The following NKAIN3 variants were observed in gnomAD, a reference collection of about 807,000 sequenced individuals.
The protein encoded by NKAIN3 is sodium/potassium-transporting ATPase subunit beta-1-interacting protein 3.
Under a neutral mutation model 30.2 loss-of-function variants are expected in NKAIN3, and 25 were observed. The observed-to-expected ratio is 0.83, with a 90% CI of 0.60 to 1.16. The LOEUF is 1.16. Among genes scored for constraint, NKAIN3 ranks in the 50% most tolerant of loss-of-function variants. NKAIN3 has a pLI of 0.00. For synonymous variants in NKAIN3, 91 were observed against 89.6 expected, an observed-to-expected ratio of 1.02 and a Z score of -0.09; for missense variants, 225 against 254.1, an observed-to-expected ratio of 0.89 and a Z score of 0.78.
intron 4 of NKAIN3, among the ~76,000 whole-genome samples, chr8:62,787,577 G>A (rs1040283054): frequency 2.0e-5 from 3 of 152,000 alleles, no homozygotes; most frequent in East Asian, 1.9e-4. Context: ...TATGCACAAC[G>A]TGCAGATTTG....
At chr8:62,555,010 A>G (rs1809339016) in intron 1 of NKAIN3, among the ~76,000 whole-genome samples, 1 of 115,748 alleles carries the variant, frequency 8.6e-6, no homozygotes, top group Non-Finnish European at 1.9e-5. Flanking sequence ...GGCAGAATCT[A>G]TACACACACA....
At chr8:62,863,525 A>T in intron 4 of NKAIN3, 1 of 1,407,852 alleles carries the variant, frequency 7.1e-7, no homozygotes, top group Non-Finnish European at 1.0e-6. Flanking sequence ...GTTGAACTTG[A>T]TGATCCAGTT....
At chr8:62,655,446 A>G (rs982315654) in intron 3 of NKAIN3, among the ~76,000 whole-genome samples, 1 of 152,170 alleles carries the variant, frequency 6.6e-6, no homozygotes, top group Non-Finnish European at 1.5e-5. Flanking sequence ...GAGGCCATTT[A>G]GGAGGCTGTG....
intron 1 of NKAIN3, among the ~76,000 whole-genome samples, chr8:62,362,567 G>A (rs1175338576): frequency 6.6e-6 from 1 of 152,180 alleles, no homozygotes; most frequent in African/African-American, 2.4e-5. Flanking sequence ...GAACCCAAGA[G>A]AAACTGCACA....
rs78160523 is a variant in NKAIN3, at chr8:62,951,461, C to T, written c.533-2441C>T. Among the ~76,000 whole-genome samples, 286 of 152,048 alleles carry T rather than the reference C, an allele frequency of 1.9e-3. 3 individuals are homozygous for T. In the East Asian group the frequency reaches 0.029, roughly 15 times the overall value. On this transcript the variant is annotated intron_variant, in intron 5 of 6. Coordinates refer to ENST00000623646, the MANE Select transcript of NKAIN3 (RefSeq NM_001304533.3). ...CCTTTTAAATTTGTTTGTTTGTTTG[C>T]TTTGTTTTGCGGAAAGGATCTGAGT... is the stretch of plus-strand genomic sequence containing the variant.
chr8:62,295,639 T>C (rs1337022152), intron 1 of NKAIN3, among the ~76,000 whole-genome samples: 3 of 152,224 alleles, frequency 2.0e-5, no homozygotes, highest in Non-Finnish European at 4.4e-5. Flanking sequence ...AATTCTTGCA[T>C]ATAAAATAAG....
At chr8:62,782,159 G>A (rs1265417788) in intron 4 of NKAIN3, among the ~76,000 whole-genome samples, 1 of 151,742 alleles carries the variant, frequency 6.6e-6, no homozygotes, top group Non-Finnish European at 1.5e-5. Context: ...GGCCAACAGT[G>A]TATGAAAAGA....
At chr8:62,514,040 G>T (rs1444966228) in intron 1 of NKAIN3, among the ~76,000 whole-genome samples, 1 of 152,034 alleles carries the variant, frequency 6.6e-6, no homozygotes, top group African/African-American at 2.4e-5. Context: ...GGCTCAATGT[G>T]AAATGTTAGG....
intron 3 of NKAIN3, among the ~76,000 whole-genome samples, chr8:62,735,606 G>C (rs1815636679): frequency 6.6e-6 from 1 of 152,050 alleles, no homozygotes; most frequent in African/African-American, 2.4e-5. Flanking sequence ...GCCTCGTTAA[G>C]TACCTTAATA....
At chr8:62,582,647 T>C (rs1810343476) in intron 2 of NKAIN3, among the ~76,000 whole-genome samples, 1 of 152,122 alleles carries the variant, frequency 6.6e-6, no homozygotes, top group Non-Finnish European at 1.5e-5. Context: ...GAAGGGGGAC[T>C]ATCAGAGCAG....
At chr8:62,567,354 G>A (rs1275535618) in intron 1 of NKAIN3, among the ~76,000 whole-genome samples, 1 of 152,124 alleles carries the variant, frequency 6.6e-6, no homozygotes, top group Non-Finnish European at 1.5e-5. Context: ...CCATTAACAA[G>A]GGAACTCCGA....
intron 1 of NKAIN3, among the ~76,000 whole-genome samples, chr8:62,325,904 A>G (rs548181090): frequency 4.3e-4 from 66 of 152,002 alleles, no homozygotes; most frequent in African/African-American, 1.5e-3. Context: ...TCTGGATATT[A>G]GTCTTTTGTG....
chr8:62,336,692 T>C (rs2129590502), intron 1 of NKAIN3, among the ~76,000 whole-genome samples: 1 of 152,116 alleles, frequency 6.6e-6, no homozygotes, highest in African/African-American at 2.4e-5. Flanking sequence ...AACAAGTGGC[T>C]TGAAACAAGC....
intron 5 of NKAIN3, among the ~76,000 whole-genome samples, chr8:62,949,572 T>C (rs1045612776): frequency 2.6e-5 from 4 of 152,140 alleles, no homozygotes; most frequent in African/African-American, 9.7e-5. Context: ...AGGAAGAAGA[T>C]TTGAAAGGAC....
At chr8:62,923,282 G>A (rs1822335605) in intron 5 of NKAIN3, among the ~76,000 whole-genome samples, 1 of 151,904 alleles carries the variant, frequency 6.6e-6, no homozygotes, top group South Asian at 2.1e-4. Flanking sequence ...CTGAGATCCT[G>A]CCACTGCACT....
intron 1 of NKAIN3, among the ~76,000 whole-genome samples, chr8:62,421,771 A>G (rs1396709569): frequency 6.6e-6 from 1 of 152,128 alleles, no homozygotes; most frequent in Non-Finnish European, 1.5e-5. Flanking sequence ...GATACAATAT[A>G]TTTTTGTATA....
At chr8:62,257,799 G>A (rs534318006) in intron 1 of NKAIN3, among the ~76,000 whole-genome samples, 8 of 152,078 alleles carry the variant, frequency 5.3e-5, no homozygotes, top group Non-Finnish European at 1.0e-4. Context: ...ATATATACCT[G>A]TAGTTATTAT....
intron 4 of NKAIN3, among the ~76,000 whole-genome samples, chr8:62,918,128 A>G (rs1822163648): frequency 6.6e-6 from 1 of 152,208 alleles, no homozygotes; most frequent in Non-Finnish European, 1.5e-5. Context: ...CAATCATCAG[A>G]AAAAAATCAA....
At chr8:62,986,390 G>T (rs980122510), downstream of NKAIN3, among the ~76,000 whole-genome samples, 6 of 152,124 alleles carry the variant, frequency 3.9e-5, no homozygotes, top group Non-Finnish European at 7.3e-5. Flanking sequence ...TTTACAAGTG[G>T]TTGCAGTCCT....
Sources: gnomAD v4.1 joint callset for allele counts (sites outside exome capture counted in the v4.1 genomes callset) on GRCh38, gnomAD v4.1.1 for gene constraint, MANE v1.5 for transcripts, NCBI Gene and HGNC (gene_info 2026-07-23, HGNC 2026-07-21) for gene names.